Variants in DHX57 observed in about 807,000 individuals in gnomAD.
DHX57 encodes putative ATP-dependent RNA helicase DHX57.
In DHX57, 105 loss-of-function variants were observed where a neutral mutation model predicts 156.2. The ratio of observed to expected loss-of-function variants is 0.67; its 90% confidence interval spans 0.57 to 0.79. DHX57 has a LOEUF of 0.79. Among genes scored for constraint, DHX57 ranks in the 30% least tolerant of loss-of-function variants. The probability of loss-of-function intolerance (pLI) is 0.00; values close to 1 mark genes in which losing one functional copy is unlikely to be tolerated. For missense variants in DHX57, 1,847 were observed against 1,661.9 expected, an observed-to-expected ratio of 1.11 and a Z score of -1.94; for synonymous variants, 704 against 595.6, an observed-to-expected ratio of 1.18 and a Z score of -2.65.
intron 21 of DHX57, among the ~76,000 whole-genome samples, chr2:38,807,620 A>G (rs1043013910): frequency 3.4e-4 from 51 of 151,652 alleles, no homozygotes; most frequent in African/African-American, 1.1e-3. Context: ...GCCTCCCAAA[A>G]TGCTGGGATT....
chr2:38,839,719 C>CAAA (rs778698613), intron 12 of DHX57, among the ~76,000 whole-genome samples: 1 of 100,252 alleles, frequency 1.0e-5, no homozygotes. Context: ...GACTCCGTCT[C>CAAA]AAAAAAAAAA....
chr2:38,822,915 C>T, intron 17 of DHX57, 78 bp downstream of exon 17: 1 of 1,350,102 alleles, frequency 7.4e-7, no homozygotes, highest in Non-Finnish European at 9.6e-7. Context: ...CTCACATGCC[C>T]TTGATTTCCC....
chr2:38,811,550 C>T (rs1387308903), intron 21 of DHX57: 1 of 1,193,852 alleles, frequency 8.4e-7, no homozygotes, highest in Non-Finnish European at 1.2e-6. Flanking sequence ...CAACATTGGC[C>T]AGGTAGGCAA....
intron 11 of DHX57, among the ~76,000 whole-genome samples, chr2:38,846,616 CAAA>C (rs11377588): frequency 3.5e-5 from 4 of 113,786 alleles, no homozygotes; most frequent in Non-Finnish European, 3.6e-5. Context: ...GACTCTATCT[CAAA>C]AAAAAAAAAA....
chr2:38,802,749 T>A lies in DHX57; in HGVS notation c.3983A>T (p.Asp1328Val). Residue 1328 changes from aspartate to valine, a missense_variant, in exon 23 of 24, where the codon GAT (aspartate) becomes GTT (valine). Coordinates refer to ENST00000457308, the MANE Select transcript of DHX57 (RefSeq NM_198963.3). The stretch of plus-strand genomic sequence containing the variant: ...AGCAGCTACAAAACGGATCCAACCA[T>A]CATCCAGGGAGACAACGAACTCTCC... ...QRGEFVVSLD[D>V]GWIRFVAASH... 1 of 1,614,108 alleles carries A rather than the reference T, an allele frequency of 6.2e-7. No homozygotes were observed. The highest frequency in any genetic ancestry group is 8.5e-7 in the Non-Finnish European group (1 of 1,180,018).
chr2:38,809,877 G>C (rs890433305), intron 21 of DHX57, among the ~76,000 whole-genome samples: 2 of 151,924 alleles, frequency 1.3e-5, no homozygotes, highest in African/African-American at 4.8e-5. Context: ...GGTTCTATTA[G>C]ATCTTTTATT....
At position 38,826,455 on chromosome 2, in the gene DHX57, C is replaced by T. The variant is rs1025953009; in HGVS notation, c.2813+61G>A. ...GCTTAATAGCATTAGCCACTAACAA[C>T]GGTGTCTCCCTAAATGAAGCATTTT... is the stretch of plus-strand genomic sequence containing the variant. On this transcript the variant is annotated intron_variant, in intron 15 of 23. Transcript: ENST00000457308. 71 of 1,561,046 alleles carry T rather than the reference C, an allele frequency of 4.5e-5. No homozygotes were observed. In the Middle Eastern group the frequency reaches 7.0e-4, roughly 15 times the overall value.
intron 5 of DHX57, among the ~76,000 whole-genome samples, chr2:38,859,668 G>C (rs886902532): frequency 2.6e-5 from 4 of 152,126 alleles, no homozygotes; most frequent in African/African-American, 9.7e-5. Context: ...GGTGGTTAGT[G>C]AGTGAATCTG....
chr2:38,802,197 A>G (rs1669714511), intron 23 of DHX57, among the ~76,000 whole-genome samples: 1 of 151,660 alleles, frequency 6.6e-6, no homozygotes, highest in Non-Finnish European at 1.5e-5. Context: ...TTCCCCTCAC[A>G]GTGTGCTTTC....
Position 38,811,594 on chromosome 2 carries a change from G to C in DHX57, c.3681+2227C>G, listed in dbSNP as rs545582556. On this transcript the variant is annotated intron_variant, in intron 21 of 23. Transcript: ENST00000457308. ...TAGCCTTGTTCCTTCAGCCACACGA[G>C]GATGCAGGAGGTGTCCAGGCCGGCA... 2.9e-5 allele frequency: 39 copies of C among 1,367,064 alleles called. No homozygotes were observed. The East Asian group carries it at 8.0e-4, about 28-fold the overall frequency. 84.7% of individuals were successfully genotyped at this position (1,367,064 alleles called of 1,614,324 possible).
intron 21 of DHX57, among the ~76,000 whole-genome samples, chr2:38,807,947 T>G (rs1670041798): frequency 1.7e-5 from 1 of 57,970 alleles, no homozygotes; most frequent in Non-Finnish European, 3.5e-5. Context: ...TGTCTTGCCT[T>G]TTTTTTTTTT....
intron 6 of DHX57, 155 bp from the exon 7 acceptor site, chr2:38,856,616 G>T (rs958583850): frequency 2.1e-6 from 2 of 941,314 alleles, no homozygotes; most frequent in South Asian, 1.8e-5. Context: ...CGATCCTCCC[G>T]CCTCAAGCTC....
chr2:38,831,328 T>C (rs1671368127), intron 13 of DHX57, among the ~76,000 whole-genome samples: 1 of 150,240 alleles, frequency 6.7e-6, no homozygotes, highest in South Asian at 2.1e-4. Context: ...ATTTCTTTTT[T>C]TTTTTTTTTT....
At chr2:38,832,981 CTTTTTTT>C (rs773309488) in intron 13 of DHX57, among the ~76,000 whole-genome samples, 4 of 99,596 alleles carry the variant, frequency 4.0e-5, no homozygotes, top group Non-Finnish European at 6.4e-5. Flanking sequence ...AATGTCTATT[CTTTTTTT>C]TTTTTTTTTT....
Position 38,825,953 on chromosome 2 carries a change from A to T in DHX57, c.2908T>A (p.Ser970Thr). 6.2e-7 allele frequency: 1 copy of T among 1,614,214 alleles called. No homozygotes were observed. The highest frequency in any genetic ancestry group is 1.1e-5 in the South Asian group (1 of 91,090). Residue 970 changes from serine (S) to threonine (T), a missense_variant, in exon 16 of 24, where the codon TCT (serine) becomes ACT (threonine). Ser to Thr is a moderately conservative substitution (Grantham distance 58). Coordinates refer to ENST00000457308, the MANE Select transcript of DHX57 (RefSeq NM_198963.3). Reference protein sequence around the residue: ...QRKGRAGRVASGVCFHLFTSH... With the variant: ...QRKGRAGRVATGVCFHLFTSH... Reference sequence around the variant, plus strand: ...GTGAATAAATGGAAGCAGACCCCAGATGCAACACGGCCTGCTCGGCCTTTC... The same window carrying T: ...GTGAATAAATGGAAGCAGACCCCAGTTGCAACACGGCCTGCTCGGCCTTTC...
Position 38,843,013 on chromosome 2 carries a change from C to G in DHX57, c.2417G>C (p.Arg806Pro). ...CCCAAGAGGCATGTTACCTTTATAGCGGGCCAGGAGCTGCTTAAAATCTAA... is the reference window on the plus strand; with the variant it reads ...CCCAAGAGGCATGTTACCTTTATAGGGGGCCAGGAGCTGCTTAAAATCTAA... Reference protein sequence around the residue: ...QQLDFKQLLARYKGVSKSVIK... With the variant: ...QQLDFKQLLAPYKGVSKSVIK... The change falls in exon 12 of 24, where the codon CGC (arginine) becomes CCC (proline). Residue 806 changes from arginine to proline, a missense_variant. Transcript: ENST00000457308. The G allele has an allele frequency of 6.2e-7, 1 of 1,613,878 alleles. No homozygotes were observed. Among genetic ancestry groups the G allele is most frequent in the Non-Finnish European group, 8.5e-7 (1 of 1,179,850 alleles).
rs757708303 is a variant in DHX57 at position 38,861,883 on chromosome 2, T to C, written c.573-46A>G. On this transcript the variant is annotated intron_variant, in intron 4 of 23. Coordinates refer to ENST00000457308, the MANE Select transcript of DHX57 (RefSeq NM_198963.3). ...CAAAAATGACACATAAAAAGCAGTA[T>C]CACACCATTACAGTAAAATTCATTT... The C allele has an allele frequency of 2.0e-6, 3 of 1,516,782 alleles. No homozygotes were observed. In the African/African-American group the frequency reaches 4.2e-5, roughly 21 times the overall value. 94.0% of individuals were successfully genotyped at this position (1,516,782 alleles called of 1,614,324 possible).
chr2:38,836,474 G>A (rs1671662221), intron 13 of DHX57, among the ~76,000 whole-genome samples: 1 of 152,090 alleles, frequency 6.6e-6, no homozygotes, highest in African/African-American at 2.4e-5. Context: ...TTACTTTACT[G>A]TAAGAATACA....
intron 1 of DHX57, among the ~76,000 whole-genome samples, chr2:38,872,697 T>C (rs1358856714): frequency 2.0e-5 from 3 of 152,168 alleles, no homozygotes; most frequent in African/African-American, 7.2e-5. Flanking sequence ...AAAACACATA[T>C]GTACCTAATA....
Sources: allele counts gnomAD v4.1 joint callset (sites outside exome capture counted in the v4.1 genomes callset), GRCh38; gene constraint gnomAD v4.1.1; transcripts MANE v1.5; gene names NCBI Gene and HGNC (gene_info 2026-07-23, HGNC 2026-07-21).